RYR2: variants seen among roughly 807,000 people sequenced by gnomAD.
The protein encoded by RYR2 is ryanodine receptor 2.
Under a neutral mutation model 601.1 loss-of-function variants are expected in RYR2, and 227 were observed. That is an observed-to-expected ratio of 0.38 (90% confidence interval 0.34 to 0.42). The LOEUF (loss-of-function observed/expected upper bound fraction) is 0.42. RYR2 is among the 10% of genes least tolerant of loss of function. The pLI is 1.00. For missense variants in RYR2, 4,646 were observed against 6,156.5 expected (o/e 0.75, Z 8.21); for synonymous variants, 2,223 against 2,175.1 (o/e 1.02, Z -0.61).
In RYR2 at chr1:237,788,147, T is replaced by C. The variant is rs780857092; in HGVS notation, c.13476+12T>C. 1.9e-6 allele frequency: 3 copies of C among 1,597,324 alleles called. No homozygotes were observed. Among genetic ancestry groups the C allele is most frequent in the Admixed American group, 1.7e-5 (1 of 59,028 alleles). Reference sequence around the variant, plus strand: ...AACAGAAACTTCTAGTAAGATGTTTTAGAATGAATATTGTTACTGATATAG... The same window carrying C: ...AACAGAAACTTCTAGTAAGATGTTTCAGAATGAATATTGTTACTGATATAG... On this transcript the variant is annotated intron_variant, in intron 92 of 104. Transcript: ENST00000366574.
At chr1:237,597,725 A>G (rs1676048436) in intron 34 of RYR2, among the ~76,000 whole-genome samples, 1 of 152,232 alleles carries the variant, frequency 6.6e-6, no homozygotes, top group African/African-American at 2.4e-5. Context: ...ATCAAAGCTT[A>G]GCACCACAAA....
At chr1:237,555,595 C>T (rs1453793255) in intron 27 of RYR2, among the ~76,000 whole-genome samples, 2 of 151,980 alleles carry the variant, frequency 1.3e-5, no homozygotes, top group Non-Finnish European at 2.9e-5. Context: ...CCTTCCGCTC[C>T]CCCACTCTGC....
intron 3 of RYR2, among the ~76,000 whole-genome samples, chr1:237,331,891 T>TG (rs1696785600): frequency 6.6e-6 from 1 of 152,206 alleles, no homozygotes; most frequent in African/African-American, 2.4e-5. Flanking sequence ...TCAATGAGAC[T>TG]TCCTGTGACT....
chr1:237,135,895 G>C (rs1331413145), intron 1 of RYR2, among the ~76,000 whole-genome samples: 1 of 152,222 alleles, frequency 6.6e-6, no homozygotes, highest in Non-Finnish European at 1.5e-5. Flanking sequence ...GTGTGTGCAG[G>C]GGCATTAGTC....
intron 1 of RYR2, among the ~76,000 whole-genome samples, chr1:237,250,989 C>T (rs1687400189): frequency 6.6e-6 from 1 of 151,276 alleles, no homozygotes; most frequent in Non-Finnish European, 1.5e-5. Context: ...TTGCTCTGTC[C>T]TACCCTACTT....
At chr1:237,678,716 T>C (rs922526411) in intron 61 of RYR2, among the ~76,000 whole-genome samples, 1 of 152,232 alleles carries the variant, frequency 6.6e-6, no homozygotes, top group African/African-American at 2.4e-5. Context: ...AGTCTCCGAA[T>C]GATTTAATGC....
chr1:237,259,374 G>T lies in RYR2; in HGVS notation c.49-11123G>T, dbSNP rs536322496. Among the ~76,000 whole-genome samples, 3 of 152,060 alleles carry T rather than the reference G, an allele frequency of 2.0e-5. No homozygotes were observed. In the East Asian group the frequency reaches 5.8e-4, roughly 30 times the overall value. ...AATACAAAAATTAGCCAGGCATGGT[G>T]CTGTGCGCCTGTAATCTCAGCTACT... On this transcript the variant is annotated intron_variant, in intron 1 of 104. Coordinates refer to ENST00000366574, the MANE Select transcript of RYR2 (RefSeq NM_001035.3).
At chr1:237,709,682 A>G in intron 70 of RYR2, 115 bp downstream of exon 70, 1 of 569,858 alleles carries the variant, frequency 1.8e-6, no homozygotes, top group Non-Finnish European at 3.1e-6. Context: ...GAGGAGTTTG[A>G]GGGAATATAA....
Position 237,106,569 on chromosome 1 carries a change from G to A in RYR2, c.48+64000G>A, listed in dbSNP as rs538670959. Among the ~76,000 whole-genome samples, 10 of 152,180 alleles carry A rather than the reference G, an allele frequency of 6.6e-5. No individual in the cohort carries two copies. The highest frequency in any genetic ancestry group is 2.1e-4 in the South Asian group (1 of 4,822). The stretch of plus-strand genomic sequence containing the variant: ...GGTTTTCGCTGTCTGTCAGAGAGTC[G>A]TGGAGCTGCTGGGAGGTGGTTAGTG... On this transcript the variant is annotated intron_variant, in intron 1 of 104. Coordinates refer to ENST00000366574, the MANE Select transcript of RYR2 (RefSeq NM_001035.3). This position sits in a 1 kb window ranked among gnomAD's most constrained non-coding sequence, Gnocchi z 4.4.
intron 96 of RYR2, among the ~76,000 whole-genome samples, chr1:237,796,040 A>T (rs1033775313): frequency 2.6e-5 from 4 of 151,114 alleles, no homozygotes; most frequent in South Asian, 2.1e-4. Context: ...GTACATATAT[A>T]TTTTTTTACT....
At chr1:237,782,405 A>C (rs1695197954) in intron 89 of RYR2, among the ~76,000 whole-genome samples, 3 of 152,082 alleles carry the variant, frequency 2.0e-5, no homozygotes, top group African/African-American at 4.8e-5. Context: ...AAAACAACTA[A>C]GAAATGTTTG....
intron 17 of RYR2, among the ~76,000 whole-genome samples, chr1:237,485,765 G>T (rs9428668): frequency 0.27 from 40,405 of 152,070 alleles, 5,536 homozygotes; most frequent in Middle Eastern, 0.41. Context: ...ATTGTTGTTT[G>T]TGGGAGGAAG....
At chr1:237,532,122 TATC>T (rs71561883) in intron 25 of RYR2, among the ~76,000 whole-genome samples, 6,306 of 152,182 alleles carry the variant, frequency 0.041, 183 homozygotes, top group Middle Eastern at 0.13. Context: ...CCTCCTGAGT[TATC>T]ATTATATTAT....
intron 12 of RYR2, among the ~76,000 whole-genome samples, chr1:237,427,478 T>C (rs1390154863): frequency 6.6e-6 from 1 of 152,094 alleles, no homozygotes; most frequent in Non-Finnish European, 1.5e-5. Flanking sequence ...AATAAAAAGA[T>C]GGCTAGTGGA....
chr1:237,321,305 G>T (rs1407536258), intron 2 of RYR2, among the ~76,000 whole-genome samples: 2 of 152,098 alleles, frequency 1.3e-5, no homozygotes, highest in Non-Finnish European at 2.9e-5. Context: ...GAAATTTCAT[G>T]CTAGTACAAT....
intron 2 of RYR2, among the ~76,000 whole-genome samples, chr1:237,315,880 T>G (rs1389065048): frequency 6.6e-6 from 1 of 152,178 alleles, no homozygotes; most frequent in Non-Finnish European, 1.5e-5. Flanking sequence ...TACCAAAAAT[T>G]TAAGATACCA....
At chr1:237,268,351 A>G (rs1355844599) in intron 1 of RYR2, among the ~76,000 whole-genome samples, 1 of 152,136 alleles carries the variant, frequency 6.6e-6, no homozygotes, top group Non-Finnish European at 1.5e-5. Flanking sequence ...TTCTTTTTTT[A>G]TTACACCACA....
chr1:237,468,857 C>T (rs907747291), intron 16 of RYR2, among the ~76,000 whole-genome samples: 2 of 152,076 alleles, frequency 1.3e-5, no homozygotes, highest in South Asian at 2.1e-4. Context: ...ATTCACTTTC[C>T]GAAATTACAT....
intron 3 of RYR2, among the ~76,000 whole-genome samples, chr1:237,335,689 A>T (rs950720066): frequency 2.0e-5 from 3 of 152,124 alleles, no homozygotes; most frequent in Non-Finnish European, 4.4e-5. Context: ...AATATTGTAG[A>T]TTGAACTAGA....
Sources: gnomAD v4.1 joint callset for allele counts (sites outside exome capture counted in the v4.1 genomes callset) on GRCh38, gnomAD v4.1.1 for gene constraint, Gnocchi (gnomAD v3.1) non-coding constraint, MANE v1.5 for transcripts, NCBI Gene and HGNC (gene_info 2026-07-23, HGNC 2026-07-21) for gene names.